The following COL5A2 variants were observed in gnomAD, a reference collection of about 807,000 sequenced individuals.
COL5A2 encodes collagen alpha-2(V) chain.
A neutral mutation model predicts 208.2 loss-of-function variants in COL5A2; 23 were observed. The observed-to-expected ratio is 0.11, with a 90% CI of 0.08 to 0.16. The LOEUF (loss-of-function observed/expected upper bound fraction) is 0.16. Among genes scored for constraint, COL5A2 ranks in the 10% least tolerant of loss-of-function variants. The pLI, the probability that COL5A2 is intolerant of heterozygous loss-of-function variation, is 1.00. For missense variants in COL5A2, 1,590 were observed against 1,956.4 expected (o/e 0.81, Z 3.53); for synonymous variants, 625 against 628.5 (o/e 0.99, Z 0.08).
At chr2:189,250,853 C>T in the COL5A2 span, among the ~76,000 whole-genome samples, 156 of 152,274 alleles carry the variant, frequency 1.0e-3, 2 homozygotes, top group South Asian at 8.5e-3. Context: ...TTCCTTTACC[C>T]TTGATATTTT....
the COL5A2 span, among the ~76,000 whole-genome samples, chr2:189,349,623 A>G: frequency 2.9e-3 from 441 of 152,258 alleles, 2 homozygotes; most frequent in African/African-American, 9.3e-3. Flanking sequence ...ATTAGATACA[A>G]TATCTTGTAA....
the COL5A2 span, among the ~76,000 whole-genome samples, chr2:189,376,319 C>T: frequency 1.3e-5 from 2 of 151,996 alleles, no homozygotes; most frequent in African/African-American, 4.8e-5. Context: ...ACATTTATGT[C>T]TTTCATAGTT....
chr2:189,100,843 C>T (rs760028291), intron 3 of COL5A2, among the ~76,000 whole-genome samples: 4 of 151,876 alleles, frequency 2.6e-5, no homozygotes, highest in Non-Finnish European at 4.4e-5. Context: ...ATAGATATAG[C>T]AAATGTAATA....
At chr2:189,092,233 C>T (rs777621695) in intron 7 of COL5A2, 77 bp downstream of exon 7, 10 of 954,292 alleles carry the variant, frequency 1.0e-5, no homozygotes, top group African/African-American at 1.6e-5. Context: ...TGAACAGACA[C>T]AATTTAAAAT....
At chr2:189,036,960 T>C (rs925304951) in intron 51 of COL5A2, among the ~76,000 whole-genome samples, 157 bp from the exon 52 acceptor site, 28 of 152,156 alleles carry the variant, frequency 1.8e-4, no homozygotes, top group Admixed American at 5.2e-4. Context: ...CCGGTATGCA[T>C]TGGGGGCCTT....
the COL5A2 span, among the ~76,000 whole-genome samples, chr2:189,367,407 T>C: frequency 6.6e-6 from 1 of 152,206 alleles, no homozygotes. Flanking sequence ...ATTCCACATA[T>C]TGACTTCCAT....
the COL5A2 span, among the ~76,000 whole-genome samples, chr2:189,321,101 T>C: frequency 2.6e-5 from 4 of 152,070 alleles, no homozygotes; most frequent in African/African-American, 9.7e-5. Context: ...AAATCCTTTA[T>C]AGACAAGCAA....
the COL5A2 span, among the ~76,000 whole-genome samples, chr2:189,299,866 T>C: frequency 6.6e-6 from 1 of 152,108 alleles, no homozygotes; most frequent in Non-Finnish European, 1.5e-5. Context: ...CCCCATGACA[T>C]CTTAAAAAAA....
chr2:189,188,843 T>G (rs1576580517), intron 1 of COL5A2, among the ~76,000 whole-genome samples: 2 of 152,238 alleles, frequency 1.3e-5, no homozygotes, highest in Non-Finnish European at 2.9e-5. Flanking sequence ...ACGTGTCTTT[T>G]CTTGCTATAG....
At chr2:189,210,947 C>G (rs890514524) in intron 1 of COL5A2, among the ~76,000 whole-genome samples, 15 of 152,122 alleles carry the variant, frequency 9.9e-5, no homozygotes, top group African/African-American at 3.6e-4. Context: ...CTGATTTCCC[C>G]AGGATTTTTT....
At chr2:189,430,664 G>T in the COL5A2 span, among the ~76,000 whole-genome samples, 1 of 146,392 alleles carries the variant, frequency 6.8e-6, no homozygotes, top group African/African-American at 2.5e-5. Flanking sequence ...GCTTGAGTAG[G>T]TAAACAAAGC....
At chr2:189,314,198 A>G in the COL5A2 span, among the ~76,000 whole-genome samples, 2 of 152,198 alleles carry the variant, frequency 1.3e-5, no homozygotes, top group African/African-American at 4.8e-5. Flanking sequence ...TCAGAAGTAA[A>G]ACACTCCTCA....
At chr2:189,068,749 C>T (rs1475252711) in intron 19 of COL5A2, 37 bp downstream of exon 19, 2 of 1,413,676 alleles carry the variant, frequency 1.4e-6, no homozygotes, top group East Asian at 2.3e-5. Flanking sequence ...AAATGTCCAG[C>T]TTTCTGGGCT....
the COL5A2 span, among the ~76,000 whole-genome samples, chr2:189,355,670 T>A: frequency 6.6e-6 from 1 of 152,214 alleles, no homozygotes; most frequent in Non-Finnish European, 1.5e-5. Flanking sequence ...AGCCTATGTA[T>A]GTCTTGCACA....
chr2:189,179,393 C>G (rs909278493), intron 1 of COL5A2, 115 bp downstream of exon 1: 2 of 1,185,432 alleles, frequency 1.7e-6, no homozygotes, highest in African/African-American at 3.0e-5. Flanking sequence ...CCGTCAGCCC[C>G]CTTCTCAAAC....
the COL5A2 span, among the ~76,000 whole-genome samples, chr2:189,417,831 T>C: frequency 1.3e-5 from 2 of 151,704 alleles, no homozygotes; most frequent in African/African-American, 4.9e-5. Context: ...TATATACACA[T>C]ACATATATGT....
the COL5A2 span, among the ~76,000 whole-genome samples, chr2:189,436,390 G>A: frequency 2.0e-4 from 30 of 152,050 alleles, no homozygotes; most frequent in African/African-American, 3.9e-4. Flanking sequence ...TGGGGGGAGC[G>A]GGGAGGTATA....
chr2:189,230,283 T>C (rs1186064621), upstream of COL5A2, among the ~76,000 whole-genome samples: 1 of 151,840 alleles, frequency 6.6e-6, no homozygotes, highest in Non-Finnish European at 1.5e-5. Flanking sequence ...ATTTGATGGA[T>C]ATGACCCTAA....
intron 1 of COL5A2, among the ~76,000 whole-genome samples, chr2:189,174,811 A>T (rs1474328750): frequency 2.0e-5 from 3 of 152,202 alleles, no homozygotes; most frequent in Non-Finnish European, 4.4e-5. Flanking sequence ...AAATTCACTA[A>T]ATCTATGAAT....
Sources: gnomAD v4.1 joint callset for allele counts (sites outside exome capture counted in the v4.1 genomes callset) on GRCh38, gnomAD v4.1.1 for gene constraint, MANE v1.5 for transcripts, NCBI Gene and HGNC (gene_info 2026-07-23, HGNC 2026-07-21) for gene names.